PRRC2C: variants seen among roughly 807,000 people sequenced by gnomAD.
PRRC2C encodes proline rich coiled-coil 2C.
A neutral mutation model predicts 317.2 loss-of-function variants in PRRC2C; 72 were observed. That is an observed-to-expected ratio of 0.23 (90% CI 0.19 to 0.28). The LOEUF (loss-of-function observed/expected upper bound fraction) is 0.28. PRRC2C is among the 10% of genes least tolerant of loss of function. The pLI, the probability that PRRC2C is intolerant of heterozygous loss-of-function variation, is 1.00. For synonymous variants in PRRC2C, 1,296 were observed against 1,205.9 expected (o/e 1.07, Z -1.55); for missense variants, 3,074 against 3,459.7 (o/e 0.89, Z 2.80).
rs187164152 is a variant in PRRC2C at position 171,553,881 on chromosome 1, T to C, written c.5128-3359T>C. The stretch of plus-strand genomic sequence containing the variant: ...TTTACATTTGGTGAGGAGTGCTTAC[T>C]TCCAACTATTTGGTCAGTTTTGGAA... On this transcript the variant is annotated intron_variant, in intron 18 of 34. Transcript: ENST00000647382. Among the ~76,000 whole-genome samples the C allele has an allele frequency of 3.9e-5, 6 of 152,346 alleles. No individual in the cohort carries two copies. In the East Asian group the frequency reaches 1.2e-3, roughly 29 times the overall value.
chr1:171,557,838 C>G lies in PRRC2C; in HGVS notation c.5726C>G (p.Ala1909Gly). 6.5e-7 allele frequency: 1 copy of G among 1,547,420 alleles called. No homozygotes were observed. The highest frequency in any genetic ancestry group is 8.7e-7 in the Non-Finnish European group (1 of 1,144,416). The change falls in exon 19 of 35, where the codon GCC (alanine) becomes GGC (glycine). Residue 1909 changes from alanine (A) to glycine (G), a missense_variant. Ala to Gly is a moderately conservative substitution (Grantham distance 60). Coordinates refer to ENST00000647382, the MANE Select transcript of PRRC2C (RefSeq NM_001387844.1). ...ACTGCCTCAGTCCCACTTGCCCCTGCCTCAGCTTCAGCCCCAGCCCCAGCC... is the reference window on the plus strand; with the variant it reads ...ACTGCCTCAGTCCCACTTGCCCCTGGCTCAGCTTCAGCCCCAGCCCCAGCC... ...APTASVPLAPASASAPAPAPT... is the reference protein window; with the variant it reads ...APTASVPLAPGSASAPAPAPT...
At chr1:171,535,238 A>G (rs1676601959) in intron 12 of PRRC2C, among the ~76,000 whole-genome samples, 190 bp from the exon 13 acceptor site, 1 of 152,198 alleles carries the variant, frequency 6.6e-6, no homozygotes, top group African/African-American at 2.4e-5. Context: ...CTTTTAGGAA[A>G]TCTAAGGTTT....
chr1:171,542,809 G>A (rs1368160836), intron 16 of PRRC2C, among the ~76,000 whole-genome samples: 1 of 151,950 alleles, frequency 6.6e-6, no homozygotes, highest in Non-Finnish European at 1.5e-5. Context: ...CACCCAGGCT[G>A]GAGTGCAGTG....
Position 171,557,579 on chromosome 1 carries a change from G to A in PRRC2C, c.5467G>A (p.Ala1823Thr). 1 of 1,551,636 alleles carries A rather than the reference G, an allele frequency of 6.4e-7. No homozygotes were observed. ...ASASVSASVP[A>T]STSAAAITSS... ...AGCCTCAGTCTCAGCTTCAGTTCCA[G>A]CCTCTACTTCAGCTGCAGCTATAAC... The change falls in exon 19 of 35, where the codon GCC (alanine) becomes ACC (threonine). Residue 1823 changes from alanine (A) to threonine (T), a missense_variant. By Grantham distance (58) the Ala-to-Thr change is moderately conservative. Around this residue, in one of 11 missense-constraint regions of PRRC2C, gnomAD observed 640 missense variants for 676.1 expected, o/e 0.95. Coordinates refer to ENST00000647382, the MANE Select transcript of PRRC2C (RefSeq NM_001387844.1).
intron 17 of PRRC2C, among the ~76,000 whole-genome samples, chr1:171,547,028 A>G (rs1184441509): frequency 6.6e-6 from 1 of 152,064 alleles, no homozygotes; most frequent in Non-Finnish European, 1.5e-5. Context: ...GGAGTTTGAG[A>G]CCAGCCTGAC....
chr1:171,495,696 T>C (rs971447887), intron 1 of PRRC2C, among the ~76,000 whole-genome samples: 1 of 152,210 alleles, frequency 6.6e-6, no homozygotes, highest in Non-Finnish European at 1.5e-5. Context: ...CTGATTCACT[T>C]GGAACTAGGA....
chr1:171,567,626 G>T (rs1303110902), intron 22 of PRRC2C, among the ~76,000 whole-genome samples: 1 of 152,112 alleles, frequency 6.6e-6, no homozygotes, highest in African/African-American at 2.4e-5. Flanking sequence ...TAAGATCTTG[G>T]TAATTGATAG....
chr1:171,543,878 G>A (rs1041316243), intron 16 of PRRC2C, among the ~76,000 whole-genome samples: 2 of 152,186 alleles, frequency 1.3e-5, no homozygotes, highest in Non-Finnish European at 2.9e-5. Flanking sequence ...AGAGTCCCAA[G>A]GCAGCATGCT....
intron 1 of PRRC2C, among the ~76,000 whole-genome samples, chr1:171,508,411 C>G (rs1279245894): frequency 6.6e-6 from 1 of 152,140 alleles, no homozygotes; most frequent in Admixed American, 6.5e-5. Context: ...TTGGTTTTTA[C>G]TTTTCATTCT....
At chr1:171,556,226 C>T (rs1016415945) in intron 18 of PRRC2C, among the ~76,000 whole-genome samples, 17 of 152,188 alleles carry the variant, frequency 1.1e-4, no homozygotes, top group Admixed American at 3.3e-4. Flanking sequence ...TGGGACCTGC[C>T]GAGCCAGGCG....
rs760609135 is a variant in PRRC2C, at chr1:171,566,253, A to G, written c.6138A>G (p.Glu2046=). ...ACTAGGGAGCGAAGAATGGTCAAGA[A>G]AGTGGACTCGAAATTGGAACTGACA... The part of the protein sequence containing the change: ...PSSEGAKNGQ[E]SGLEIGTDTI... Residue 2046 remains glutamate (E), a synonymous_variant, in exon 21 of 35, where the codon GAA becomes GAG. Transcript: ENST00000647382. 18 of 1,610,904 alleles carry G rather than the reference A, an allele frequency of 1.1e-5. No individual in the cohort carries two copies. The highest frequency in any genetic ancestry group is 2.5e-6 in the Non-Finnish European group (3 of 1,178,642).
Position 171,529,282 on chromosome 1 carries a change from A to G in PRRC2C, c.1254+1438A>G, listed in dbSNP as rs550622759. ...ATGAGCTGATGGCATTCAAATGTAC[A>G]TTTAGCCTGAAAAGCTTTGCACTGA... is the stretch of plus-strand genomic sequence containing the variant. On this transcript the variant is annotated intron_variant, in intron 11 of 34. Coordinates refer to ENST00000647382, the MANE Select transcript of PRRC2C (RefSeq NM_001387844.1). Among the ~76,000 whole-genome samples the G allele has an allele frequency of 1.4e-3, 213 of 152,176 alleles. 1 individual carries two copies. Among genetic ancestry groups the G allele is most frequent in the Middle Eastern group, 3.4e-3 (1 of 294 alleles).
intron 2 of PRRC2C, chr1:171,512,761 TG>T (rs1223069632): frequency 5.1e-6 from 2 of 393,812 alleles, no homozygotes; most frequent in Non-Finnish European, 9.0e-6. Flanking sequence ...TGTAGTGTGT[TG>T]AATTGCATTG....
At position 171,568,347 on chromosome 1, in the gene PRRC2C, A is replaced by T; in HGVS notation, c.6651+8A>T. 6.3e-7 allele frequency: 1 copy of T among 1,590,128 alleles called. No homozygotes were observed. ...GATACTTTGGTTAATAATGTAAGTA[A>T]TCAGTTTGAGATGTGGCAAGTTTGG... On this transcript the variant is annotated splice_region_variant and intron_variant, in intron 23 of 34. Coordinates refer to ENST00000647382, the MANE Select transcript of PRRC2C (RefSeq NM_001387844.1).
chr1:171,532,381 A>T lies in PRRC2C; in HGVS notation c.1293A>T (p.Pro431=). 1 of 1,613,882 alleles carries T rather than the reference A, an allele frequency of 6.2e-7. No homozygotes were observed. The highest frequency in any genetic ancestry group is 8.5e-7 in the Non-Finnish European group (1 of 1,179,854). ...ATCGACAGGCAGTACCTGGAAGACC[A>T]GGCCCCTTTCCCTCCAAGCAGCAAG... ...PPDRQAVPGR[P]GPFPSKQQVA... The change falls in exon 12 of 35, where the codon CCA becomes CCT. Residue 431 remains proline, a synonymous_variant. Transcript: ENST00000647382.
chr1:171,544,285 G>A (rs1437917177), intron 16 of PRRC2C, among the ~76,000 whole-genome samples: 4 of 152,000 alleles, frequency 2.6e-5, no homozygotes, highest in Non-Finnish European at 5.9e-5. Flanking sequence ...TACCATGCCC[G>A]GCTAATTTTT....
At chr1:171,528,035 T>G (rs898772032) in intron 11 of PRRC2C, among the ~76,000 whole-genome samples, 191 bp downstream of exon 11, 2 of 152,180 alleles carry the variant, frequency 1.3e-5, no homozygotes, top group African/African-American at 4.8e-5. Context: ...CAAGTTTCAC[T>G]AAGAAAATAA....
Position 171,524,897 on chromosome 1 carries a change from T to C in PRRC2C, c.1132T>C (p.Ser378Pro). Residue 378 changes from serine (S) to proline (P), a missense_variant, in exon 10 of 35, where the codon TCT becomes CCT. Ser to Pro is a moderately conservative substitution (Grantham distance 74). This residue lies in a region of PRRC2C where 1,320 missense variants were observed against 1,395.7 expected (regional missense o/e 0.95). Transcript: ENST00000647382. ...ETDEVSNTKS[S>P]SQIPAQPSVA... Reference sequence around the variant, plus strand: ...AGATGAAGTTTCCAACACTAAATCATCTTCCCAAATACCTGCCCAACCATC... The same window carrying C: ...AGATGAAGTTTCCAACACTAAATCACCTTCCCAAATACCTGCCCAACCATC... The C allele has an allele frequency of 6.2e-7, 1 of 1,611,068 alleles. No homozygotes were observed. The highest frequency in any genetic ancestry group is 1.1e-5 in the South Asian group (1 of 90,454).
intron 18 of PRRC2C, among the ~76,000 whole-genome samples, chr1:171,550,578 G>C (rs961327685): frequency 1.3e-5 from 2 of 149,820 alleles, no homozygotes; most frequent in Non-Finnish European, 3.0e-5. Context: ...TTAACTCATC[G>C]TTTACACTAG....
Sources: gnomAD v4.1 joint callset for allele counts (sites outside exome capture counted in the v4.1 genomes callset) on GRCh38, gnomAD v4.1.1 for gene constraint, gnomAD v4.1.1 regional missense constraint, MANE v1.5 for transcripts, NCBI Gene and HGNC (gene_info 2026-07-23, HGNC 2026-07-21) for gene names.